The following FRMD4B variants were observed in gnomAD, a reference collection of about 807,000 sequenced individuals.
The protein encoded by FRMD4B is FERM domain-containing protein 4B.
A neutral mutation model predicts 141.5 loss-of-function variants in FRMD4B; 74 were observed. The ratio of observed to expected loss-of-function variants is 0.52; its 90% CI spans 0.43 to 0.63. The LOEUF (loss-of-function observed/expected upper bound fraction) is 0.63. FRMD4B is among the 30% of genes least tolerant of loss of function. The pLI is 0.00. For synonymous variants in FRMD4B, 506 were observed against 467.9 expected, an observed-to-expected ratio of 1.08 and a Z score of -1.05; for missense variants, 1,366 against 1,253.4, an observed-to-expected ratio of 1.09 and a Z score of -1.36.
intron 11 of FRMD4B, among the ~76,000 whole-genome samples, chr3:69,203,557 C>A (rs987719346): frequency 6.6e-6 from 1 of 152,092 alleles, no homozygotes; most frequent in Non-Finnish European, 1.5e-5. Flanking sequence ...CTCACAAGAG[C>A]CAAGTGAACC....
chr3:69,182,624 T>G lies in FRMD4B; in HGVS notation c.2013A>C (p.Arg671=). Reference sequence around the variant, plus strand: ...CCAAGTGGCTGCTGCTGTAGGCGTTTCGGGTAAGAACTGGCGTGGTGGGCA... The same window carrying G: ...CCAAGTGGCTGCTGCTGTAGGCGTTGCGGGTAAGAACTGGCGTGGTGGGCA... The part of the protein sequence containing the change: ...RSMPTTPVLT[R]NAYSSSHLEP... Residue 671 remains arginine (R), a synonymous_variant, in exon 20 of 23, where the codon CGA becomes CGC. Coordinates refer to ENST00000398540, the MANE Select transcript of FRMD4B (RefSeq NM_015123.3). The G allele has an allele frequency of 6.2e-7, 1 of 1,612,940 alleles. No individual in the cohort carries two copies. The highest frequency in any genetic ancestry group is 8.5e-7 in the Non-Finnish European group (1 of 1,179,650).
chr3:69,181,269 A>G lies in FRMD4B; in HGVS notation c.2481T>C (p.Asn827=), dbSNP rs1223701881. The change falls in exon 21 of 23, where the codon AAT becomes AAC. Residue 827 remains asparagine, a synonymous_variant. Transcript: ENST00000398540. The part of the protein sequence containing the change: ...FYYSGGYVYE[N]DTEGQYSVNP... Reference sequence around the variant, plus strand: ...TGACACTATACTGTCCCTCGGTGTCATTCTCATAGACATAACCACCACTGT... The same window carrying G: ...TGACACTATACTGTCCCTCGGTGTCGTTCTCATAGACATAACCACCACTGT... 1.2e-6 allele frequency: 2 copies of G among 1,613,678 alleles called. No individual in the cohort carries two copies. The highest frequency in any genetic ancestry group is 2.7e-5 in the African/African-American group (2 of 74,920).
At position 69,460,477 on chromosome 3, in the gene FRMD4B, G is replaced by A. The variant is rs373977213; in HGVS notation, c.-128-27716C>T. Among the ~76,000 whole-genome samples, 20 of 152,266 alleles carry A rather than the reference G, an allele frequency of 1.3e-4. 1 individual carries two copies. The East Asian group carries it at 2.7e-3, about 21-fold the overall frequency. On this transcript the variant is annotated intron_variant, in intron 1 of 5. Transcript: ENST00000459638. ...CACTCTTTGGGGCTCTTGGATTACC[G>A]TATTTGTAAATGGAGGACACAAATT...
At chr3:69,186,667 G>A (rs757368833) in intron 19 of FRMD4B, among the ~76,000 whole-genome samples, 11 of 152,150 alleles carry the variant, frequency 7.2e-5, no homozygotes, top group Non-Finnish European at 1.3e-4. Flanking sequence ...AGCTGAGATT[G>A]CACCACTGCA....
chr3:69,430,610 G>A (rs999566464), intron 2 of FRMD4B, among the ~76,000 whole-genome samples: 1 of 152,198 alleles, frequency 6.6e-6, no homozygotes, highest in Admixed American at 6.5e-5. Flanking sequence ...GAGGGCAAAT[G>A]CTGTCCCAGG....
intron 1 of FRMD4B, among the ~76,000 whole-genome samples, chr3:69,474,033 C>T (rs906220587): frequency 6.6e-5 from 10 of 152,142 alleles, no homozygotes; most frequent in Admixed American, 5.2e-4. Flanking sequence ...GATGCCCTAC[C>T]GTCATCCAAG....
chr3:69,229,298 T>A (rs2093284054), intron 7 of FRMD4B, among the ~76,000 whole-genome samples: 1 of 152,136 alleles, frequency 6.6e-6, no homozygotes, highest in Non-Finnish European at 1.5e-5. Flanking sequence ...AGTGCTAGGA[T>A]TACAGACATG....
At chr3:69,228,221 C>A (rs2093272887) in intron 7 of FRMD4B, among the ~76,000 whole-genome samples, 1 of 152,160 alleles carries the variant, frequency 6.6e-6, no homozygotes. Flanking sequence ...GATTGAGAAA[C>A]CCTGCCTTCA....
At chr3:69,476,733 C>A (rs1055048380) in intron 1 of FRMD4B, among the ~76,000 whole-genome samples, 1 of 152,128 alleles carries the variant, frequency 6.6e-6, no homozygotes, top group Admixed American at 6.5e-5. Flanking sequence ...TTTTCCAATT[C>A]TGTGAAGAAA....
At chr3:69,419,149 T>A (rs1208372896) in intron 2 of FRMD4B, among the ~76,000 whole-genome samples, 1 of 152,140 alleles carries the variant, frequency 6.6e-6, no homozygotes, top group Non-Finnish European at 1.5e-5. Context: ...TGGGGGAAAC[T>A]TAGAAGTGAA....
chr3:69,520,841 G>A (rs1700844589), intron 1 of FRMD4B, among the ~76,000 whole-genome samples: 1 of 152,066 alleles, frequency 6.6e-6, no homozygotes, highest in South Asian at 2.1e-4. Context: ...AATGACCAAA[G>A]GGAAGGATTA....
At chr3:69,260,057 AC>A (rs2093516066) in intron 5 of FRMD4B, among the ~76,000 whole-genome samples, 1 of 152,196 alleles carries the variant, frequency 6.6e-6, no homozygotes, top group East Asian at 1.9e-4. Context: ...ACATTTTGCT[AC>A]ACAAATGTAT....
chr3:69,204,901 G>A (rs1416946278), intron 11 of FRMD4B, among the ~76,000 whole-genome samples: 1 of 152,012 alleles, frequency 6.6e-6, no homozygotes, highest in Non-Finnish European at 1.5e-5. Flanking sequence ...GGCTCAGAGA[G>A]GTTAAAGTAA....
chr3:69,404,210 T>A (rs1273611540), intron 2 of FRMD4B, among the ~76,000 whole-genome samples: 1 of 152,224 alleles, frequency 6.6e-6, no homozygotes, highest in Non-Finnish European at 1.5e-5. Flanking sequence ...TAAGAATGTT[T>A]TCTTTTGGAT....
At chr3:69,188,763 C>CA (rs11328404) in intron 18 of FRMD4B, among the ~76,000 whole-genome samples, 68 of 66,800 alleles carry the variant, frequency 1.0e-3, no homozygotes, top group African/African-American at 2.5e-3. Flanking sequence ...GACTCCGTCT[C>CA]AAAAAAAAAA....
At chr3:69,234,616 T>G (rs1419158647) in intron 7 of FRMD4B, among the ~76,000 whole-genome samples, 1 of 152,206 alleles carries the variant, frequency 6.6e-6, no homozygotes, top group African/African-American at 2.4e-5. Context: ...ATAGTAAGTT[T>G]CTCTCTACTG....
At chr3:69,497,105 C>T (rs1468189498) in intron 1 of FRMD4B, among the ~76,000 whole-genome samples, 2 of 152,100 alleles carry the variant, frequency 1.3e-5, no homozygotes, top group East Asian at 3.9e-4. Context: ...GCTTTAAGGG[C>T]TATCACAAGG....
chr3:69,367,830 C>G (rs1703712207), intron 1 of FRMD4B, among the ~76,000 whole-genome samples: 1 of 152,168 alleles, frequency 6.6e-6, no homozygotes, highest in South Asian at 2.1e-4. Flanking sequence ...AATGGAAATG[C>G]TTGGTCATAG....
chr3:69,499,995 G>C (rs1209410000), intron 1 of FRMD4B, among the ~76,000 whole-genome samples: 2 of 152,260 alleles, frequency 1.3e-5, no homozygotes, highest in Admixed American at 1.3e-4. Context: ...TGTGATGACA[G>C]ACTGGGTTCC....
Sources: allele counts gnomAD v4.1 joint callset (sites outside exome capture counted in the v4.1 genomes callset), GRCh38; gene constraint gnomAD v4.1.1; transcripts MANE v1.5; gene names NCBI Gene and HGNC (gene_info 2026-07-23, HGNC 2026-07-21).